The following ATM variants were observed in gnomAD, a reference collection of about 807,000 sequenced individuals.
The protein encoded by ATM is ATM serine/threonine kinase.
In ATM, 308 loss-of-function variants were observed where a neutral mutation model predicts 387.0. The ratio of observed to expected loss-of-function variants is 0.80; its 90% confidence interval spans 0.73 to 0.87. ATM has a LOEUF of 0.87. Among genes scored for constraint, ATM ranks in the 40% least tolerant of loss-of-function variants. The pLI is 0.00. For synonymous variants in ATM, 1,156 were observed against 1,187.3 expected (o/e 0.97, Z 0.54); for missense variants, 3,312 against 3,560.9 (o/e 0.93, Z 1.78).
intron 20 of ATM, 140 bp from the exon 21 acceptor site, chr11:108,272,392 G>A: frequency 2.7e-6 from 2 of 730,142 alleles, no homozygotes; most frequent in East Asian, 2.7e-5. Context: ...AGGTGAGTAT[G>A]TTGGCATATT....
Position 108,304,762 on chromosome 11 carries a change from C to G in ATM, c.5584C>G (p.Leu1862Val), listed in dbSNP as rs149362482. The G allele has an allele frequency of 6.2e-7, 1 of 1,613,988 alleles. No individual in the cohort carries two copies. Among genetic ancestry groups the G allele is most frequent in the East Asian group, 2.2e-5 (1 of 44,856 alleles). ...TACAAATGAATCATGGAGAAATCTG[C>G]TTTCTACACATGTTCAGGGATTTTT... ...QDTNESWRNL[L>V]STHVQGFFTS... Residue 1862 changes from leucine to valine, a missense_variant, in exon 37 of 63, where the codon CTT (leucine) becomes GTT (valine). By Grantham distance (32) the Leu-to-Val change is conservative. Around this residue, in one of 4 missense-constraint regions of ATM, gnomAD observed 1,405 missense variants for 1,604.4 expected, o/e 0.88. Coordinates refer to ENST00000675843, the MANE Select transcript of ATM (RefSeq NM_000051.4).
At chr11:108,334,864 ATT>A in intron 54 of ATM, 103 bp from the exon 55 acceptor site, 1 of 1,360,042 alleles carries the variant, frequency 7.4e-7, no homozygotes, top group Admixed American at 1.8e-5. Flanking sequence ...TCACATCGTC[ATT>A]TGTTTCTCTG....
At position 108,354,058 on chromosome 11, in the gene ATM, TACACACACACAAACAC is replaced by T. The variant is rs1177146632; in HGVS notation, c.8786+190_8786+205del. On this transcript the variant is annotated intron_variant, in intron 60 of 62. Transcript: ENST00000675843. ...CAGCAAGACCCTGTATCTAAAAAAA[TACACACACACAAACAC>T]ACACACACACACACACACACACACA... Among the ~76,000 whole-genome samples the T allele has an allele frequency of 2.7e-4, 18 of 67,054 alleles. No homozygotes were observed. In the East Asian group the frequency reaches 2.7e-3, roughly 10 times the overall value. The allele number at this position is 67,054 out of a possible 152,430, so 44.0% of individuals were successfully genotyped here. A position where few individuals can be genotyped will look rare whatever the true frequency, so the allele number is the denominator to read the frequency against.
At chr11:108,251,444 A>G (rs889218566) in intron 10 of ATM, among the ~76,000 whole-genome samples, 2 of 152,098 alleles carry the variant, frequency 1.3e-5, no homozygotes, top group Non-Finnish European at 2.9e-5. Context: ...GGAACGTTTG[A>G]ATTATTCTCT....
Position 108,352,964 on chromosome 11 carries a change from G to A in ATM, c.8672-802G>A, listed in dbSNP as rs960233027. Among the ~76,000 whole-genome samples, 5 of 152,040 alleles carry A rather than the reference G, an allele frequency of 3.3e-5. 1 individual carries two copies. Among genetic ancestry groups the A allele is most frequent in the Admixed American group, 2.0e-4 (3 of 15,250 alleles). On this transcript the variant is annotated intron_variant, in intron 59 of 62. Coordinates refer to ENST00000675843, the MANE Select transcript of ATM (RefSeq NM_000051.4). Reference sequence around the variant, plus strand: ...CTATGGGAGGGAAATAGGTGCAGCCGTAAAGGGCAGTATGAAGGATCCTTA... The same window carrying A: ...CTATGGGAGGGAAATAGGTGCAGCCATAAAGGGCAGTATGAAGGATCCTTA...
chr11:108,336,044 C>A, intron 56 of ATM, 83 bp downstream of exon 56: 2 of 1,079,512 alleles, frequency 1.9e-6, no homozygotes, highest in South Asian at 1.3e-5. Context: ...TGCCCATATT[C>A]ATAATGCTTT....
At chr11:108,293,069 T>C (rs1367104525) in intron 30 of ATM, among the ~76,000 whole-genome samples, 1 of 152,216 alleles carries the variant, frequency 6.6e-6, no homozygotes, top group African/African-American at 2.4e-5. Context: ...AGTTACTACT[T>C]ATATAAACTG....
At chr11:108,238,014 C>T (rs1321128966) in intron 5 of ATM, among the ~76,000 whole-genome samples, 3 of 150,646 alleles carry the variant, frequency 2.0e-5, no homozygotes, top group South Asian at 4.2e-4. Context: ...GCAACCTCCA[C>T]CTCCTAGGTT....
chr11:108,315,311 C>G (rs1388996418), intron 40 of ATM, among the ~76,000 whole-genome samples: 1 of 152,178 alleles, frequency 6.6e-6, no homozygotes, highest in African/African-American at 2.4e-5. Flanking sequence ...AATACTGCAT[C>G]TTTACATTTG....
At chr11:108,330,511 T>C in intron 50 of ATM, 90 bp downstream of exon 50, 2 of 1,315,208 alleles carry the variant, frequency 1.5e-6, no homozygotes, top group Non-Finnish European at 2.2e-6. Context: ...TACCTCTTTG[T>C]ATTCCTAGCA....
At chr11:108,336,061 C>A in intron 56 of ATM, 100 bp downstream of exon 56, 1 of 897,342 alleles carries the variant, frequency 1.1e-6, no homozygotes, top group Non-Finnish European at 1.8e-6. Context: ...CTTTGGGAGG[C>A]CAAGGTGGGA....
In ATM at chr11:108,271,110, C is replaced by G. The variant is rs1591602470; in HGVS notation, c.2885C>G (p.Pro962Arg). Residue 962 changes from proline (P) to arginine (R), a missense_variant, in exon 19 of 63, where the codon CCA becomes CGA. By Grantham distance (103) the Pro-to-Arg change is moderately radical. Transcript: ENST00000675843. Reference protein sequence around the residue: ...KELPGEEYPLPMEDVLELLKP... With the variant: ...KELPGEEYPLRMEDVLELLKP... ...CTTCCTGGAGAAGAGTACCCCTTGC[C>G]AATGGAAGATGTTCTTGAACTTCTG... The G allele has an allele frequency of 6.2e-7, 1 of 1,614,036 alleles. No individual in the cohort carries two copies. Among genetic ancestry groups the G allele is most frequent in the South Asian group, 1.1e-5 (1 of 91,088 alleles).
At chr11:108,273,794 T>A (rs1441779915) in intron 22 of ATM, among the ~76,000 whole-genome samples, 5 of 152,204 alleles carry the variant, frequency 3.3e-5, no homozygotes, top group African/African-American at 4.8e-5. Context: ...TATCGAGGAT[T>A]TTCACATCGA....
At chr11:108,345,976 C>A (rs2137044393) in intron 58 of ATM, 68 bp downstream of exon 58, 2 of 1,579,742 alleles carry the variant, frequency 1.3e-6, no homozygotes, top group South Asian at 1.1e-5. Flanking sequence ...TTGTTTGATT[C>A]AGCACTTTTT....
At chr11:108,345,018 A>C (rs1173496989) in intron 57 of ATM, among the ~76,000 whole-genome samples, 3 of 152,078 alleles carry the variant, frequency 2.0e-5, no homozygotes, top group Admixed American at 6.6e-5. Flanking sequence ...AAAAAAAAAA[A>C]ATGTTGGAGA....
rs538603533 is a variant in ATM, at chr11:108,312,193, G to A, written c.5919-218G>A. Among the ~76,000 whole-genome samples, 10 of 152,180 alleles carry A rather than the reference G, an allele frequency of 6.6e-5. No homozygotes were observed. The South Asian group carries it at 1.0e-3, about 16-fold the overall frequency. On this transcript the variant is annotated intron_variant, in intron 39 of 62. Transcript: ENST00000675843. Reference sequence around the variant, plus strand: ...ATAAATAATCATATTTTTGCATATAGGCTTCCCATATGTAGATTATTCTTA... The same window carrying A: ...ATAAATAATCATATTTTTGCATATAAGCTTCCCATATGTAGATTATTCTTA...
intron 16 of ATM, among the ~76,000 whole-genome samples, chr11:108,260,632 A>C (rs2080808179): frequency 6.6e-6 from 1 of 152,204 alleles, no homozygotes; most frequent in African/African-American, 2.4e-5. Flanking sequence ...ATTTTGAGGG[A>C]GGAGCCAAGA....
At chr11:108,260,679 G>A (rs992809422) in intron 16 of ATM, among the ~76,000 whole-genome samples, 1 of 152,212 alleles carries the variant, frequency 6.6e-6, no homozygotes, top group African/African-American at 2.4e-5. Context: ...ACAGCTCCCA[G>A]CGTGAACGAC....
rs876660927 is a variant in ATM, at chr11:108,345,795, G to A, written c.8471G>A (p.Cys2824Tyr). The change falls in exon 58 of 63, where the codon TGC becomes TAC. Residue 2824 changes from cysteine to tyrosine, a missense_variant. By Grantham distance (194) the Cys-to-Tyr change is radical. Coordinates refer to ENST00000675843, the MANE Select transcript of ATM (RefSeq NM_000051.4). ...AAATATGAAGTCTTCATGGATGTTT[G>A]CCAAAATTTTCAACCAGTTTTCCGT... is the stretch of plus-strand genomic sequence containing the variant. The part of the protein sequence containing the change: ...EEKYEVFMDV[C>Y]QNFQPVFRYF... 3 of 1,613,700 alleles carry A rather than the reference G, an allele frequency of 1.9e-6. No homozygotes were observed. The East Asian group carries it at 6.7e-5, about 36-fold the overall frequency.
Sources: gnomAD v4.1 joint callset for allele counts (sites outside exome capture counted in the v4.1 genomes callset) on GRCh38, gnomAD v4.1.1 for gene constraint, gnomAD v4.1.1 regional missense constraint, MANE v1.5 for transcripts, NCBI Gene and HGNC (gene_info 2026-07-23, HGNC 2026-07-21) for gene names.